The following NAV3 variants were observed in gnomAD, a reference collection of about 807,000 sequenced individuals.
NAV3 encodes the protein pore membrane and/or filament interacting like protein 1.
NAV3 carries 87 observed loss-of-function variants against 244.7 expected under a neutral mutation model. That is an observed-to-expected ratio of 0.36 (90% CI 0.30 to 0.42). The LOEUF (loss-of-function observed/expected upper bound fraction) is 0.42. Ranked by LOEUF, NAV3 falls within the 20% of genes least tolerant of loss-of-function variation. The pLI, the probability that NAV3 is intolerant of heterozygous loss-of-function variation, is 1.00. For synonymous variants in NAV3, 1,126 were observed against 1,042.2 expected (o/e 1.08, Z -1.55); for missense variants, 2,663 against 2,893.3 (o/e 0.92, Z 1.83).
chr12:77,779,297 T>A (rs1870545635), intron 2 of NAV3, among the ~76,000 whole-genome samples: 1 of 152,176 alleles, frequency 6.6e-6, no homozygotes, highest in South Asian at 2.1e-4. Context: ...TGAAATAACA[T>A]CTCAAAGGGT....
At chr12:77,749,249 A>C (rs993460567) in intron 2 of NAV3, among the ~76,000 whole-genome samples, 1 of 152,242 alleles carries the variant, frequency 6.6e-6, no homozygotes, top group Non-Finnish European at 1.5e-5. Flanking sequence ...GAACAGAAAA[A>C]GAAATATCAT....
intron 5 of NAV3, among the ~76,000 whole-genome samples, chr12:77,982,119 A>G (rs1441360332): frequency 6.6e-6 from 1 of 152,218 alleles, no homozygotes; most frequent in Non-Finnish European, 1.5e-5. Context: ...TTTATATCAA[A>G]TACATCTATT....
At chr12:77,719,053 A>G (rs1214305035) in intron 2 of NAV3, among the ~76,000 whole-genome samples, 3 of 152,058 alleles carry the variant, frequency 2.0e-5, no homozygotes, top group Non-Finnish European at 4.4e-5. Flanking sequence ...AAGTTTATTC[A>G]TAAGTATTTT....
chr12:77,940,483 C>T (rs1187257245), intron 2 of NAV3, 47 bp downstream of exon 2: 2 of 1,470,154 alleles, frequency 1.4e-6, no homozygotes, highest in Non-Finnish European at 1.9e-6. Context: ...CTGCTCCCAT[C>T]TCTTTGGTAA....
chr12:77,823,636 A>C (rs1872838558), intron 2 of NAV3, among the ~76,000 whole-genome samples: 1 of 152,228 alleles, frequency 6.6e-6, no homozygotes, highest in South Asian at 2.1e-4. Context: ...AAAGCTACTT[A>C]ACTATGTGCC....
chr12:78,014,618 A>G (rs17221278), intron 8 of NAV3, among the ~76,000 whole-genome samples: 5,642 of 152,156 alleles, frequency 0.037, 115 homozygotes, highest in Admixed American at 0.061. Flanking sequence ...GTGACAGGGA[A>G]ATTGACATTT....
intron 2 of NAV3, among the ~76,000 whole-genome samples, chr12:77,604,124 T>C (rs1870564633): frequency 6.6e-6 from 1 of 151,990 alleles, no homozygotes; most frequent in Admixed American, 6.6e-5. Context: ...AGAAACTCAC[T>C]AAGGATAAAT....
chr12:78,117,527 T>A (rs1955474195), intron 13 of NAV3, among the ~76,000 whole-genome samples: 1 of 148,520 alleles, frequency 6.7e-6, no homozygotes, highest in African/African-American at 2.5e-5. Context: ...AACATATCAA[T>A]ACTTAATATA....
intron 12 of NAV3, among the ~76,000 whole-genome samples, chr12:78,098,700 T>A (rs1399031135): frequency 6.7e-6 from 1 of 149,988 alleles, no homozygotes; most frequent in Non-Finnish European, 1.5e-5. Flanking sequence ...GAAACAGATT[T>A]GGGAAATATT....
At chr12:77,619,029 T>C (rs960695153) in intron 2 of NAV3, among the ~76,000 whole-genome samples, 4 of 152,232 alleles carry the variant, frequency 2.6e-5, no homozygotes, top group Non-Finnish European at 5.9e-5. Context: ...AAAATAAGAA[T>C]CTTCTTGTCA....
intron 2 of NAV3, among the ~76,000 whole-genome samples, chr12:77,759,101 G>A (rs1869337769): frequency 6.6e-6 from 1 of 152,292 alleles, no homozygotes; most frequent in Middle Eastern, 3.4e-3. Context: ...TGCCACGCCA[G>A]TCTATATGAA....
chr12:78,113,046 A>G (rs1217749734), intron 12 of NAV3, among the ~76,000 whole-genome samples: 1 of 152,226 alleles, frequency 6.6e-6, no homozygotes, highest in Non-Finnish European at 1.5e-5. Flanking sequence ...GTTAAACCTT[A>G]AAGTTTCAAA....
chr12:77,674,539 A>G (rs1874124409), intron 2 of NAV3, among the ~76,000 whole-genome samples: 1 of 151,862 alleles, frequency 6.6e-6, no homozygotes, highest in African/African-American at 2.4e-5. Context: ...ACAGGCATGC[A>G]CCACCACACG....
intron 12 of NAV3, among the ~76,000 whole-genome samples, chr12:78,110,694 G>GTT (rs1955048588): frequency 1.4e-5 from 1 of 70,368 alleles, no homozygotes; most frequent in Non-Finnish European, 3.4e-5. Flanking sequence ...TATATATATA[G>GTT]TGTGTGTGTG....
intron 9 of NAV3, among the ~76,000 whole-genome samples, chr12:78,026,115 T>A (rs976398422): frequency 1.8e-4 from 27 of 152,170 alleles, no homozygotes; most frequent in African/African-American, 6.5e-4. Flanking sequence ...ATGATCCAGG[T>A]CTCTGCTTCT....
chr12:78,194,183 T>C (rs150811726), intron 34 of NAV3, among the ~76,000 whole-genome samples: 3 of 152,024 alleles, frequency 2.0e-5, no homozygotes, highest in Non-Finnish European at 4.4e-5. Context: ...CCTACACATA[T>C]GTTTCTATTC....
At chr12:78,081,423 C>G (rs1389105620) in intron 12 of NAV3, among the ~76,000 whole-genome samples, 3 of 152,124 alleles carry the variant, frequency 2.0e-5, no homozygotes, top group Non-Finnish European at 4.4e-5. Flanking sequence ...CTTGAGGGCC[C>G]TGGATTGCAA....
chr12:77,664,288 G>T (rs1592557889), intron 2 of NAV3, among the ~76,000 whole-genome samples: 1 of 152,042 alleles, frequency 6.6e-6, no homozygotes, highest in Admixed American at 6.6e-5. Flanking sequence ...TTATATATCA[G>T]AACAGTTTTC....
intron 2 of NAV3, among the ~76,000 whole-genome samples, chr12:77,755,144 A>G (rs996709741): frequency 6.6e-6 from 1 of 152,016 alleles, no homozygotes; most frequent in African/African-American, 2.4e-5. Flanking sequence ...CCATCTTCAT[A>G]TTTCTAGTCT....
Sources: gnomAD v4.1 joint callset for allele counts (sites outside exome capture counted in the v4.1 genomes callset) on GRCh38, gnomAD v4.1.1 for gene constraint, MANE v1.5 for transcripts, NCBI Gene and HGNC (gene_info 2026-07-23, HGNC 2026-07-21) for gene names.